Variants in HERC2 observed in about 807,000 individuals in gnomAD.
HERC2 encodes E3 ubiquitin-protein ligase HERC2.
HERC2 carries 102 observed loss-of-function variants against 537.7 expected under a neutral mutation model. The observed-to-expected ratio is 0.19, with a 90% CI of 0.16 to 0.22. HERC2 has a LOEUF of 0.22. Among genes scored for constraint, HERC2 ranks in the 10% least tolerant of loss-of-function variants. The pLI is 1.00. For missense variants in HERC2, 4,236 were observed against 6,198.2 expected, an observed-to-expected ratio of 0.68 and a Z score of 10.63; for synonymous variants, 2,224 against 2,466.2, an observed-to-expected ratio of 0.90 and a Z score of 2.91.
In HERC2 at chr15:28,141,837, T is replaced by G; in HGVS notation, c.11710A>C (p.Lys3904Gln). 2 of 1,613,100 alleles carry G rather than the reference T, an allele frequency of 1.2e-6. No individual in the cohort carries two copies. Among genetic ancestry groups the G allele is most frequent in the Non-Finnish European group, 1.7e-6 (2 of 1,179,180 alleles). The change falls in exon 77 of 93, where the codon AAA becomes CAA. Residue 3904 changes from lysine (K) to glutamine (Q), a missense_variant. Coordinates refer to ENST00000261609, the MANE Select transcript of HERC2 (RefSeq NM_004667.6). Reference sequence around the variant, plus strand: ...CTGTCTGCCATTAATTCACGAATTTTCTTAGCCACCTAAACAAAATTATTA... The same window carrying G: ...CTGTCTGCCATTAATTCACGAATTTGCTTAGCCACCTAAACAAAATTATTA... Reference protein sequence around the residue: ...PRLFLDEVAKKIRELMADSEN... With the variant: ...PRLFLDEVAKQIRELMADSEN...
Position 28,124,240 on chromosome 15 carries a change from A to C in HERC2, c.12991-6T>G. The C allele has an allele frequency of 2.1e-6, 3 of 1,450,716 alleles. No individual in the cohort carries two copies. Among genetic ancestry groups the C allele is most frequent in the Non-Finnish European group, 2.7e-6 (3 of 1,093,886 alleles). 89.9% of individuals were successfully genotyped at this position (1,450,716 alleles called of 1,614,324 possible). ...TGATTGTACTCCATGGGGACCTAGA[A>C]CACAGAAATGGCCTTCAGCCCCTCA... On this transcript the variant is annotated splice_region_variant and splice_polypyrimidine_tract_variant and intron_variant, in intron 84 of 92. Coordinates refer to ENST00000261609, the MANE Select transcript of HERC2 (RefSeq NM_004667.6).
chr15:28,190,180 T>G (rs1896716233), intron 55 of HERC2: 1 of 147,620 alleles, frequency 6.8e-6, no homozygotes, highest in Non-Finnish European at 1.5e-5. Context: ...GGCTAATTTT[T>G]TTTTTTTTTT....
At chr15:28,216,639 C>A (rs1443739680) in intron 38 of HERC2, among the ~76,000 whole-genome samples, 1 of 151,086 alleles carries the variant, frequency 6.6e-6, no homozygotes, top group Non-Finnish European at 1.5e-5. Context: ...CACACTCACT[C>A]TCACACCCTC....
chr15:28,117,820 C>A (rs1302192727), intron 86 of HERC2: 1 of 343,010 alleles, frequency 2.9e-6, no homozygotes, highest in Admixed American at 4.0e-5. Flanking sequence ...TTCCCAAAGA[C>A]ACCAGGGCAG....
chr15:28,232,376 A>G (rs535977550), intron 30 of HERC2, among the ~76,000 whole-genome samples: 3 of 152,058 alleles, frequency 2.0e-5, no homozygotes, highest in Admixed American at 1.3e-4. Context: ...CTCCGTCTCT[A>G]CTAAAATACA....
intron 4 of HERC2, among the ~76,000 whole-genome samples, chr15:28,290,022 C>T (rs978475265): frequency 8.5e-5 from 13 of 152,220 alleles, no homozygotes; most frequent in African/African-American, 2.4e-4. Context: ...TCAAAGAGGA[C>T]GGACCTGCAG....
intron 16 of HERC2, among the ~76,000 whole-genome samples, chr15:28,259,984 A>G (rs2075373977): frequency 6.6e-6 from 1 of 150,960 alleles, no homozygotes; most frequent in Non-Finnish European, 1.5e-5. Context: ...AAAAAAAAAA[A>G]AAAAAAGAGT....
intron 71 of HERC2, among the ~76,000 whole-genome samples, chr15:28,145,874 A>T (rs1891679496): frequency 6.6e-6 from 1 of 152,178 alleles, no homozygotes; most frequent in Non-Finnish European, 1.5e-5. Context: ...CACTCCACAC[A>T]TGGCCATGCC....
intron 78 of HERC2, 150 bp from the exon 79 acceptor site, chr15:28,135,842 C>T (rs1890578884): frequency 1.6e-6 from 1 of 606,950 alleles, no homozygotes; most frequent in East Asian, 2.8e-5. Context: ...AAGTTTATGC[C>T]TTTATACATG....
At chr15:28,270,518 G>C (rs1028667761) in intron 10 of HERC2, among the ~76,000 whole-genome samples, 177 bp downstream of exon 10, 2 of 152,024 alleles carry the variant, frequency 1.3e-5, no homozygotes, top group African/African-American at 4.8e-5. Context: ...GCCTCAGCTT[G>C]CTCATCACTC....
At chr15:28,256,844 C>A (rs1278898811) in intron 17 of HERC2, among the ~76,000 whole-genome samples, 1 of 152,194 alleles carries the variant, frequency 6.6e-6, no homozygotes, top group Non-Finnish European at 1.5e-5. Flanking sequence ...TCCACCCGCC[C>A]AGGCCTCCCA....
Position 28,186,163 on chromosome 15 carries a change from T to C in HERC2, c.8825+414A>G, listed in dbSNP as rs1177712917. ...CACTTAAAATGGTAAACAATATATA[T>C]ATTTCACCATAATAAAAAATAAATA... On this transcript the variant is annotated intron_variant, in intron 56 of 92. Transcript: ENST00000261609. Among the ~76,000 whole-genome samples the C allele has an allele frequency of 2.0e-5, 3 of 152,272 alleles. No individual in the cohort carries two copies. In the East Asian group the frequency reaches 5.8e-4, roughly 29 times the overall value.
chr15:28,255,999 G>A lies in HERC2; in HGVS notation c.2747-3C>T, dbSNP rs200632307. 1.2e-6 allele frequency: 2 copies of A among 1,605,568 alleles called. No individual in the cohort carries two copies. Among genetic ancestry groups the A allele is most frequent in the South Asian group, 1.1e-5 (1 of 91,080 alleles). ...TATGTTCACTTCATTGCCTGAAACT[G>A]AAATAGAAAGTGTGTGCCAATTTGA... On this transcript the variant is annotated splice_region_variant and splice_polypyrimidine_tract_variant and intron_variant, in intron 18 of 92. Transcript: ENST00000261609.
intron 88 of HERC2, among the ~76,000 whole-genome samples, chr15:28,116,222 CTTTTTTTT>C (rs11365574): frequency 8.3e-4 from 105 of 126,502 alleles, no homozygotes; most frequent in Admixed American, 3.5e-3. Context: ...TTTTCTTTTT[CTTTTTTTT>C]TTTTTTTTTG....
At position 28,168,810 on chromosome 15, in the gene HERC2, T is replaced by C. The variant is rs541199242; in HGVS notation, c.10230-220A>G. On this transcript the variant is annotated intron_variant, in intron 66 of 92. Transcript: ENST00000261609. Reference sequence around the variant, plus strand: ...CTATTTATTTGAAAAACCAGAGTAATGGCAGGTGAAAAACTGCCAAACATA... The same window carrying C: ...CTATTTATTTGAAAAACCAGAGTAACGGCAGGTGAAAAACTGCCAAACATA... Among the ~76,000 whole-genome samples, 367 of 152,386 alleles carry C rather than the reference T, an allele frequency of 2.4e-3. 1 individual carries two copies. Among genetic ancestry groups the C allele is most frequent in the African/African-American group, 8.4e-3 (348 of 41,598 alleles).
At position 28,254,464 on chromosome 15, in the gene HERC2, C is replaced by T. The variant is rs781276121; in HGVS notation, c.2926G>A (p.Ala976Thr). 18 of 1,604,078 alleles carry T rather than the reference C, an allele frequency of 1.1e-5. No individual in the cohort carries two copies. Among genetic ancestry groups the T allele is most frequent in the Non-Finnish European group, 1.5e-5 (18 of 1,176,986 alleles). ...CTTCTATGAAATGTTGAGGCATTCGCTTCCTGTTCATCAATTTCTTTTTCC... is the reference window on the plus strand; with the variant it reads ...CTTCTATGAAATGTTGAGGCATTCGTTTCCTGTTCATCAATTTCTTTTTCC... ...QKEKEIDEQE[A>T]NASTFHRSRT... Residue 976 changes from alanine to threonine, a missense_variant, in exon 20 of 93, where the codon GCG (alanine) becomes ACG (threonine). By Grantham distance (58) the Ala-to-Thr change is moderately conservative (BLOSUM62 0). Transcript: ENST00000261609.
At chr15:28,249,506 A>G (rs1318522362) in intron 20 of HERC2, among the ~76,000 whole-genome samples, 1 of 152,240 alleles carries the variant, frequency 6.6e-6, no homozygotes, top group African/African-American at 2.4e-5. Flanking sequence ...GCAGAACACC[A>G]AGAAACAAGG....
Position 28,113,848 on chromosome 15 carries a change from T to C in HERC2, c.13914-170A>G, listed in dbSNP as rs2142037292. On this transcript the variant is annotated intron_variant, in intron 90 of 92. Coordinates refer to ENST00000261609, the MANE Select transcript of HERC2 (RefSeq NM_004667.6). The surrounding 1 kb of genome is among the most constrained non-coding windows in gnomAD (Gnocchi z 7.0). ...CTTAGCAGCTCGGCACTGCAGAGCT[T>C]CTCCTGACACTGGGCTCATCTCGTC... The C allele has an allele frequency of 1.6e-6, 1 of 635,358 alleles. No individual in the cohort carries two copies. Among genetic ancestry groups the C allele is most frequent in the South Asian group, 1.8e-5 (1 of 55,350 alleles). 39.4% of individuals were successfully genotyped at this position (635,358 alleles called of 1,614,324 possible). A position where few individuals can be genotyped will look rare whatever the true frequency, so the allele number is the denominator to read the frequency against.
intron 57 of HERC2, among the ~76,000 whole-genome samples, chr15:28,180,907 TAC>T (rs1397743355): frequency 3.3e-5 from 5 of 152,194 alleles, no homozygotes; most frequent in Admixed American, 3.3e-4. Context: ...ATGCAAACAC[TAC>T]ACTGTTTTAT....
Sources: allele counts gnomAD v4.1 joint callset (sites outside exome capture counted in the v4.1 genomes callset), GRCh38; gene constraint gnomAD v4.1.1; non-coding constraint Gnocchi (gnomAD v3.1); transcripts MANE v1.5; gene names NCBI Gene and HGNC (gene_info 2026-07-23, HGNC 2026-07-21).